MPV17: variants seen among roughly 807,000 people sequenced by gnomAD.
The protein encoded by MPV17 is mitochondrial inner membrane protein MPV17, also known as MPV17, mitochondrial inner membrane protein.
MPV17 carries 31 observed loss-of-function variants against 28.6 expected under a neutral mutation model. That is an observed-to-expected ratio of 1.08 (90% CI 0.81 to 1.46). MPV17 has a LOEUF of 1.46. Among genes scored for constraint, MPV17 ranks in the 40% most tolerant of loss-of-function variants. The pLI is 0.00. For missense variants in MPV17, 198 were observed against 216.2 expected (o/e 0.92, Z 0.53); for synonymous variants, 87 against 85.3 (o/e 1.02, Z -0.11).
At chr2:27,312,937 G>A (rs935108474) in intron 3 of MPV17, 57 bp downstream of exon 3, 83 of 1,596,408 alleles carry the variant, frequency 5.2e-5, no homozygotes, top group Non-Finnish European at 7.0e-5. Context: ...CCAAAGGATG[G>A]CAAAGAACTA....
rs1323497176 is a variant in MPV17 at position 27,312,739 on chromosome 2, C to G, written c.220G>C (p.Asp74His). Reference sequence around the variant, plus strand: ...TTGGTGGTGCCAGGGATGAACCGATCCAAAACCTTGTACCAGCCTCCTACC... The same window carrying G: ...TTGGTGGTGCCAGGGATGAACCGATGCAAAACCTTGTACCAGCCTCCTACC... ...PVVGGWYKVL[D>H]RFIPGTTKVD... The change falls in exon 4 of 8, where the codon GAT (aspartate) becomes CAT (histidine). Residue 74 changes from aspartate (D) to histidine (H), a missense_variant. Coordinates refer to ENST00000380044, the MANE Select transcript of MPV17 (RefSeq NM_002437.5). 1.2e-6 allele frequency: 2 copies of G among 1,614,202 alleles called. No homozygotes were observed. Among genetic ancestry groups the G allele is most frequent in the Admixed American group, 3.3e-5 (2 of 60,020 alleles).
At chr2:27,311,792 TC>T in intron 7 of MPV17, 106 bp downstream of exon 7, 1 of 1,570,192 alleles carries the variant, frequency 6.4e-7, no homozygotes, top group East Asian at 2.3e-5. Flanking sequence ...GGCTCAGTGT[TC>T]CGTTTGGGGG....
intron 2 of MPV17, among the ~76,000 whole-genome samples, chr2:27,318,065 TTTTC>T (rs1679720867): frequency 6.6e-6 from 1 of 151,620 alleles, no homozygotes; most frequent in Non-Finnish European, 1.5e-5. Flanking sequence ...TCAATCTTTC[TTTTC>T]TTTTTTTTTT....
intron 7 of MPV17, 108 bp from the exon 8 acceptor site, chr2:27,310,089 A>G (rs1679373094): frequency 1.1e-6 from 1 of 876,048 alleles, no homozygotes; most frequent in East Asian, 2.5e-5. Flanking sequence ...AAGGATTGGC[A>G]GGTTTAGGTC....
In MPV17 at chr2:27,312,198, A is replaced by G; in HGVS notation, c.408+16T>C. The G allele has an allele frequency of 1.2e-6, 2 of 1,613,166 alleles. No individual in the cohort carries two copies. On this transcript the variant is annotated intron_variant, in intron 6 of 7. Transcript: ENST00000380044. The stretch of plus-strand genomic sequence containing the variant: ...AAGGAAGCAGGAGAACAAGCAGTTG[A>G]GGTGTCAGCTCTTACATAGTAGTTG...
At chr2:27,313,237 C>A in intron 2 of MPV17, 128 bp from the exon 3 acceptor site, 1 of 1,553,406 alleles carries the variant, frequency 6.4e-7, no homozygotes, top group Non-Finnish European at 8.7e-7. Flanking sequence ...ATTGTGGAAA[C>A]AAATGACTAG....
At position 27,318,074 on chromosome 2, in the gene MPV17, T is replaced by C. The variant is rs187286870; in HGVS notation, c.70+4374A>G. ...ATGAGGTCAATCTTTCTTTTCTTTT[T>C]TTTTTTTTTTTTGAGACAGAGTCTT... On this transcript the variant is annotated intron_variant, in intron 2 of 7. Coordinates refer to ENST00000380044, the MANE Select transcript of MPV17 (RefSeq NM_002437.5). Among the ~76,000 whole-genome samples, 1,328 of 150,938 alleles carry C rather than the reference T, an allele frequency of 8.8e-3. 21 individuals are homozygous for C. The highest frequency in any genetic ancestry group is 0.029 in the African/African-American group (1,214 of 41,316).
chr2:27,313,148 G>A (rs1679524748), intron 2 of MPV17, 39 bp from the exon 3 acceptor site: 6 of 1,613,706 alleles, frequency 3.7e-6, no homozygotes, highest in South Asian at 2.2e-5. Context: ...ACATCTCCTG[G>A]GATGGGCTGC....
chr2:27,322,868 A>G (rs1191148480), intron 1 of MPV17, among the ~76,000 whole-genome samples, 184 bp downstream of exon 1: 2 of 152,214 alleles, frequency 1.3e-5, no homozygotes, highest in African/African-American at 4.8e-5. Context: ...TGGGTGCCTC[A>G]AAAGATAGCT....
chr2:27,313,158 C>G (rs775851434), intron 2 of MPV17, 49 bp from the exon 3 acceptor site: 2 of 1,613,438 alleles, frequency 1.2e-6, no homozygotes, highest in Non-Finnish European at 1.7e-6. Context: ...GGATGGGCTG[C>G]CATTCCAAGG....
At chr2:27,310,626 C>G (rs543071152) in intron 7 of MPV17, among the ~76,000 whole-genome samples, 1 of 152,242 alleles carries the variant, frequency 6.6e-6, no homozygotes, top group East Asian at 1.9e-4. Flanking sequence ...CCGAAATGTA[C>G]GGACTATCAT....
At chr2:27,322,958 C>T (rs1679911545) in intron 1 of MPV17, 94 bp downstream of exon 1, 2 of 247,452 alleles carry the variant, frequency 8.1e-6, no homozygotes, top group African/African-American at 2.2e-5. Context: ...AAATAGGGCC[C>T]GTCACTGCCC....
chr2:27,312,748 T>C lies in MPV17; in HGVS notation c.211A>G (p.Lys71Glu), dbSNP rs751699511. ...FVGPVVGGWYKVLDRFIPGTT... is the reference protein window; with the variant it reads ...FVGPVVGGWYEVLDRFIPGTT... Reference sequence around the variant, plus strand: ...CCAGGGATGAACCGATCCAAAACCTTGTACCAGCCTCCTACCACAGGGCCC... The same window carrying C: ...CCAGGGATGAACCGATCCAAAACCTCGTACCAGCCTCCTACCACAGGGCCC... The change falls in exon 4 of 8, where the codon AAG becomes GAG. Residue 71 changes from lysine to glutamate, a missense_variant. Physicochemically the swap from Lys to Glu is moderately conservative, Grantham distance 56. Coordinates refer to ENST00000380044, the MANE Select transcript of MPV17 (RefSeq NM_002437.5). 6.2e-7 allele frequency: 1 copy of C among 1,614,160 alleles called. No homozygotes were observed. Among genetic ancestry groups the C allele is most frequent in the Admixed American group, 1.7e-5 (1 of 60,024 alleles).
At chr2:27,322,310 G>T in intron 2 of MPV17, 138 bp downstream of exon 2, 1 of 813,188 alleles carries the variant, frequency 1.2e-6, no homozygotes. Flanking sequence ...ACAGACTGGG[G>T]ACAGTGTAGG....
intron 2 of MPV17, among the ~76,000 whole-genome samples, chr2:27,315,269 G>A (rs555317028): frequency 2.0e-5 from 3 of 152,182 alleles, no homozygotes; most frequent in South Asian, 2.1e-4. Context: ...GGTCCAAGTC[G>A]GGTAGAAGGT....
chr2:27,316,919 G>A (rs1039377993), intron 2 of MPV17: 174 of 681,900 alleles, frequency 2.6e-4, no homozygotes, highest in African/African-American at 7.3e-5. Flanking sequence ...CGTCACTCCC[G>A]AACAGATCCA....
At chr2:27,315,552 C>G (rs1218315504) in intron 2 of MPV17, among the ~76,000 whole-genome samples, 1 of 152,232 alleles carries the variant, frequency 6.6e-6, no homozygotes, top group East Asian at 1.9e-4. Flanking sequence ...CTCCATTCAT[C>G]CATTCATTCA....
rs1339289803 is a variant in MPV17 at position 27,309,844 on chromosome 2, G to A, written c.*68C>T. 1.5e-6 allele frequency: 2 copies of A among 1,355,682 alleles called. No homozygotes were observed. Among genetic ancestry groups the A allele is most frequent in the East Asian group, 2.3e-5 (1 of 43,604 alleles). 84.0% of individuals were successfully genotyped at this position (1,355,682 alleles called of 1,614,324 possible). ...TGGAAACTGGTATGCCCACTTTGAG[G>A]AGGTTGTCTGACCGTTCCAGGGTCA... On this transcript the variant is annotated 3_prime_UTR_variant, in exon 8 of 8. Coordinates refer to ENST00000380044, the MANE Select transcript of MPV17 (RefSeq NM_002437.5).
intron 5 of MPV17, 87 bp downstream of exon 5, chr2:27,312,407 C>T (rs1679481520): frequency 6.7e-7 from 1 of 1,492,586 alleles, no homozygotes; most frequent in African/African-American, 1.4e-5. Context: ...TGCACTTACC[C>T]CCTTTTTTAT....
Sources: gnomAD v4.1 joint callset for allele counts (sites outside exome capture counted in the v4.1 genomes callset) on GRCh38, gnomAD v4.1.1 for gene constraint, MANE v1.5 for transcripts, NCBI Gene and HGNC (gene_info 2026-07-23, HGNC 2026-07-21) for gene names.